The following SMIM23 variants were observed in gnomAD, a reference collection of about 807,000 sequenced individuals.
SMIM23 encodes CTB-78H18.1.
In SMIM23, 10 loss-of-function variants were observed where a neutral mutation model predicts 12.8. That is an observed-to-expected ratio of 0.78 (90% confidence interval 0.48 to 1.32). The LOEUF (loss-of-function observed/expected upper bound fraction) is 1.32. Ranked by LOEUF, SMIM23 falls within the 40% of genes most tolerant of loss-of-function variation. The pLI is 0.00. For missense variants in SMIM23, 184 were observed against 198.2 expected, an observed-to-expected ratio of 0.93 and a Z score of 0.43; for synonymous variants, 78 against 80.1, an observed-to-expected ratio of 0.97 and a Z score of 0.14.
At chr5:171,781,440 A>G (rs1443741425), upstream of SMIM23, among the ~76,000 whole-genome samples, 2 of 152,168 alleles carry the variant, frequency 1.3e-5, no homozygotes. Context: ...TCATGGAACC[A>G]ATCTGTGAGC....
At chr5:171,777,019 T>G in the SMIM23 span, among the ~76,000 whole-genome samples, 1 of 151,656 alleles carries the variant, frequency 6.6e-6, no homozygotes, top group East Asian at 1.9e-4. Context: ...CATGACGGGG[T>G]GAGCCTGCCT....
chr5:171,791,079 A>G lies in SMIM23; in HGVS notation c.510A>G (p.Ala170=). The G allele has an allele frequency of 6.7e-7, 1 of 1,500,362 alleles. No homozygotes were observed. The highest frequency in any genetic ancestry group is 8.8e-7 in the Non-Finnish European group (1 of 1,130,416). The allele number at this position is 1,500,362 out of a possible 1,614,324, so 92.9% of individuals were successfully genotyped here. A position where few individuals can be genotyped will look rare whatever the true frequency, so the allele number is the denominator to read the frequency against. Residue 170 remains alanine, a synonymous_variant, in exon 4 of 4, where the codon GCA becomes GCG. Coordinates refer to ENST00000523047, the MANE Select transcript of SMIM23 (RefSeq NM_001289970.2). Reference sequence around the variant, plus strand: ...TGCTAGAGATTTCTCTAAGCGGGGCAGAGCTCTGACTCTTGAAGTTCCAGT... The same window carrying G: ...TGCTAGAGATTTCTCTAAGCGGGGCGGAGCTCTGACTCTTGAAGTTCCAGT... ...EGLLEISLSG[A]EL
Position 171,790,794 on chromosome 5 carries a change from G to A in SMIM23, c.226-1G>A, listed in dbSNP as rs1276165732. On this transcript the variant is annotated splice_acceptor_variant, in intron 3 of 3. Coordinates refer to ENST00000523047, the MANE Select transcript of SMIM23 (RefSeq NM_001289970.2). LOFTEE classifies it high-confidence loss of function. ...ATGCCACTTCTGTGTCTGCCTTCCA[G>A]GGGCTTGAATATCAGACCAACGAGC... is the stretch of plus-strand genomic sequence containing the variant. 6.5e-7 allele frequency: 1 copy of A among 1,536,090 alleles called. No homozygotes were observed. The highest frequency in any genetic ancestry group is 2.0e-5 in the Admixed American group (1 of 50,996).
At chr5:171,778,868 T>G (rs1054575613), upstream of SMIM23, among the ~76,000 whole-genome samples, 3 of 152,220 alleles carry the variant, frequency 2.0e-5, no homozygotes, top group East Asian at 5.8e-4. Context: ...AGTGTCTGCC[T>G]GTGGTATGCC....
upstream of SMIM23, among the ~76,000 whole-genome samples, chr5:171,780,275 T>A (rs184478438): frequency 6.6e-6 from 1 of 152,160 alleles, no homozygotes; most frequent in Non-Finnish European, 1.5e-5. Context: ...AATTCCCTCC[T>A]TCAAAGGCCT....
the SMIM23 span, among the ~76,000 whole-genome samples, chr5:171,775,181 C>T: frequency 2.0e-5 from 3 of 152,210 alleles, no homozygotes; most frequent in African/African-American, 4.8e-5. Context: ...ATGTGCCCGC[C>T]GCCCCTCTAA....
At chr5:171,789,344 G>A (rs189397031) in intron 1 of SMIM23, among the ~76,000 whole-genome samples, 28 of 152,338 alleles carry the variant, frequency 1.8e-4, no homozygotes, top group Admixed American at 1.3e-3. Context: ...TGCTCAGTGG[G>A]TAAAGAAAAG....
chr5:171,779,048 T>C (rs1351834060), upstream of SMIM23, among the ~76,000 whole-genome samples: 4 of 152,224 alleles, frequency 2.6e-5, no homozygotes, highest in African/African-American at 4.8e-5. Context: ...CAGGGCTGTT[T>C]CGAGGATTAG....
At chr5:171,786,059 C>G (rs879279689) in intron 1 of SMIM23, 83 bp downstream of exon 1, 30 of 1,143,812 alleles carry the variant, frequency 2.6e-5, no homozygotes, top group Non-Finnish European at 3.8e-5. Flanking sequence ...TCCCTCAAAG[C>G]CCGGAATGAA....
intron 1 of SMIM23, among the ~76,000 whole-genome samples, chr5:171,786,679 T>A (rs1755822221): frequency 6.6e-6 from 1 of 152,216 alleles, no homozygotes; most frequent in Non-Finnish European, 1.5e-5. Context: ...ACTTGTTCAC[T>A]CATTAATTTA....
At chr5:171,782,198 G>A (rs964076882), upstream of SMIM23, among the ~76,000 whole-genome samples, 5 of 152,220 alleles carry the variant, frequency 3.3e-5, no homozygotes, top group Admixed American at 3.3e-4. Context: ...AGACGGTGAA[G>A]CCACTAAAGG....
chr5:171,774,282 T>C, the SMIM23 span: 6 of 391,524 alleles, frequency 1.5e-5, no homozygotes, highest in South Asian at 1.1e-4. Context: ...GATCCCATGC[T>C]TGCTCCACCT....
At chr5:171,781,856 G>C (rs1343947204), upstream of SMIM23, among the ~76,000 whole-genome samples, 1 of 152,108 alleles carries the variant, frequency 6.6e-6, no homozygotes, top group East Asian at 1.9e-4. Context: ...TCAGCACTCT[G>C]TGTCTAGCTA....
At chr5:171,783,128 T>G (rs1755755869), upstream of SMIM23, among the ~76,000 whole-genome samples, 1 of 152,178 alleles carries the variant, frequency 6.6e-6, no homozygotes, top group South Asian at 2.1e-4. Flanking sequence ...ATGCCAAAAA[T>G]TACAAAGTGC....
At chr5:171,781,210 T>A (rs1163487378), upstream of SMIM23, among the ~76,000 whole-genome samples, 3 of 152,194 alleles carry the variant, frequency 2.0e-5, no homozygotes, top group Non-Finnish European at 4.4e-5. Context: ...CCAATTATTT[T>A]CCTTTCTGAC....
In SMIM23 at chr5:171,790,682, G is replaced by A; in HGVS notation, c.226-113G>A. On this transcript the variant is annotated intron_variant, in intron 3 of 3. Coordinates refer to ENST00000523047, the MANE Select transcript of SMIM23 (RefSeq NM_001289970.2). ...CAGAAGGTGGGAACAGGTACTACGA[G>A]CACAATGAGTAGCATGTGCAAAGGC... is the stretch of plus-strand genomic sequence containing the variant. 7.2e-6 allele frequency: 10 copies of A among 1,387,614 alleles called. No individual in the cohort carries two copies. In the South Asian group the frequency reaches 1.2e-4, roughly 16 times the overall value. 86.0% of individuals were successfully genotyped at this position (1,387,614 alleles called of 1,614,324 possible).
In SMIM23 at chr5:171,785,840, T is replaced by C. The variant is rs748998957; in HGVS notation, c.-32T>C. The C allele has an allele frequency of 2.9e-4, 431 of 1,511,430 alleles. 1 individual carries two copies. The highest frequency in any genetic ancestry group is 3.6e-4 in the Non-Finnish European group (410 of 1,124,548). The allele number at this position is 1,511,430 out of a possible 1,614,324, so 93.6% of individuals were successfully genotyped here. ...GAAGGGTGCCCTTCTGTCTGTTGAG[T>C]GTGGTCCACCCAGGCAGCCAGATCT... is the stretch of plus-strand genomic sequence containing the variant. On this transcript the variant is annotated 5_prime_UTR_variant, in exon 1 of 4. Coordinates refer to ENST00000523047, the MANE Select transcript of SMIM23 (RefSeq NM_001289970.2).
chr5:171,779,946 G>A (rs867025564), upstream of SMIM23, among the ~76,000 whole-genome samples: 9 of 151,944 alleles, frequency 5.9e-5, no homozygotes, highest in African/African-American at 1.9e-4. Flanking sequence ...CTCGTTTAGC[G>A]CTCCCAGTAA....
At chr5:171,790,190 TC>T in intron 1 of SMIM23, 39 bp from the exon 2 acceptor site, 1 of 1,531,134 alleles carries the variant, frequency 6.5e-7, no homozygotes, top group Non-Finnish European at 8.8e-7. Context: ...AGAGAATTCA[TC>T]CTCATGTTCT....
Sources: allele counts gnomAD v4.1 joint callset (sites outside exome capture counted in the v4.1 genomes callset), GRCh38; gene constraint gnomAD v4.1.1; transcripts MANE v1.5; gene names NCBI Gene and HGNC (gene_info 2026-07-23, HGNC 2026-07-21).